Variants in PRDM11 observed in about 807,000 individuals in gnomAD.
PRDM11 encodes PR/SET domain 11.
Under a neutral mutation model 97.8 loss-of-function variants are expected in PRDM11, and 20 were observed. That is an observed-to-expected ratio of 0.20 (90% confidence interval 0.14 to 0.30). The LOEUF is 0.30. PRDM11 is among the 10% of genes least tolerant of loss of function. PRDM11 has a pLI of 1.00. For missense variants in PRDM11, 1,139 were observed against 1,555.2 expected (o/e 0.73, Z 4.50); for synonymous variants, 599 against 637.7 (o/e 0.94, Z 0.91).
At chr11:45,152,592 C>A (rs541373940) in intron 1 of PRDM11, among the ~76,000 whole-genome samples, 1 of 152,314 alleles carries the variant, frequency 6.6e-6, no homozygotes, top group South Asian at 2.1e-4. Context: ...GTAACTAGAG[C>A]CTCAAATACT....
intron 1 of PRDM11, among the ~76,000 whole-genome samples, chr11:45,167,068 G>T (rs1458236744): frequency 6.6e-6 from 1 of 152,274 alleles, no homozygotes; most frequent in African/African-American, 2.4e-5. Flanking sequence ...ATCAAATGTA[G>T]GAAGGGGGTA....
intron 1 of PRDM11, among the ~76,000 whole-genome samples, chr11:45,132,392 C>T (rs922722688): frequency 6.6e-6 from 1 of 152,166 alleles, no homozygotes; most frequent in South Asian, 2.1e-4. Flanking sequence ...ATAACCCTCA[C>T]CTCTGGGTAG....
At chr11:45,103,516 C>T (rs113112342) in intron 1 of PRDM11, among the ~76,000 whole-genome samples, 57 of 152,078 alleles carry the variant, frequency 3.7e-4, no homozygotes, top group African/African-American at 1.2e-3. Context: ...CTCCCTGAGC[C>T]TCAGTTTCCC....
intron 1 of PRDM11, among the ~76,000 whole-genome samples, chr11:45,154,640 G>T (rs1246668976): frequency 6.6e-6 from 1 of 152,008 alleles, no homozygotes; most frequent in Non-Finnish European, 1.5e-5. Flanking sequence ...AGCCTTCAGT[G>T]CCTTCTAGAG....
intron 1 of PRDM11, among the ~76,000 whole-genome samples, chr11:45,165,901 C>T (rs1852052477): frequency 6.6e-6 from 1 of 152,154 alleles, no homozygotes; most frequent in African/African-American, 2.4e-5. Flanking sequence ...AGCCTGTCTC[C>T]CCGCCATGCT....
chr11:45,220,173 C>G (rs961928091), intron 6 of PRDM11, among the ~76,000 whole-genome samples: 7 of 152,198 alleles, frequency 4.6e-5, no homozygotes, highest in Non-Finnish European at 1.0e-4. Context: ...AGTCCAAGGA[C>G]CCCACTCTAC....
upstream of PRDM11, among the ~76,000 whole-genome samples, chr11:45,144,419 G>A (rs1026677441): frequency 6.6e-6 from 1 of 152,174 alleles, no homozygotes; most frequent in African/African-American, 2.4e-5. Flanking sequence ...ATGCAGCTGA[G>A]GACCTACGGC....
intron 1 of PRDM11, among the ~76,000 whole-genome samples, chr11:45,112,631 C>T (rs754652721): frequency 6.6e-6 from 1 of 152,258 alleles, no homozygotes; most frequent in East Asian, 1.9e-4. Context: ...GATGGCCGTT[C>T]TTGGAAGAGT....
At chr11:45,205,279 G>A (rs943503900) in intron 5 of PRDM11, among the ~76,000 whole-genome samples, 7 of 152,116 alleles carry the variant, frequency 4.6e-5, no homozygotes, top group East Asian at 1.9e-4. Context: ...ACCCTGTTCC[G>A]GTGTTTGGGA....
upstream of PRDM11, among the ~76,000 whole-genome samples, chr11:45,095,043 C>T (rs995605057): frequency 1.3e-5 from 2 of 152,130 alleles, no homozygotes; most frequent in South Asian, 2.1e-4. Context: ...GGAACTGGGC[C>T]GGCTGGCCTT....
intron 1 of PRDM11, among the ~76,000 whole-genome samples, chr11:45,140,617 C>G (rs1851380312): frequency 6.6e-6 from 1 of 152,118 alleles, no homozygotes. Flanking sequence ...TTGGGTGGCT[C>G]CATTGTTTCG....
chr11:45,183,751 T>TA (rs1463743705), intron 4 of PRDM11, among the ~76,000 whole-genome samples: 1 of 152,182 alleles, frequency 6.6e-6, no homozygotes, highest in Non-Finnish European at 1.5e-5. Flanking sequence ...CTTGAGCTAC[T>TA]AGACAGAGAT....
intron 1 of PRDM11, among the ~76,000 whole-genome samples, chr11:45,175,098 G>T (rs992736848): frequency 6.6e-6 from 1 of 152,194 alleles, no homozygotes; most frequent in Admixed American, 6.5e-5. Context: ...CCACACCAAA[G>T]TGGAACATTT....
intron 1 of PRDM11, among the ~76,000 whole-genome samples, chr11:45,115,860 G>A (rs1852290687): frequency 1.3e-5 from 2 of 151,180 alleles, no homozygotes. Context: ...AACCTGGGTG[G>A]TGGAGTTTAC....
intron 1 of PRDM11, among the ~76,000 whole-genome samples, chr11:45,127,353 G>A (rs182265726): frequency 7.2e-5 from 11 of 152,178 alleles, no homozygotes; most frequent in African/African-American, 1.2e-4. Context: ...GTCATTCTCC[G>A]TCCAGCTTTG....
At chr11:45,168,372 C>T (rs749013970) in intron 1 of PRDM11, among the ~76,000 whole-genome samples, 43 of 152,176 alleles carry the variant, frequency 2.8e-4, no homozygotes, top group Admixed American at 9.2e-4. Flanking sequence ...GGTGTTTCCT[C>T]AGGTCCTACA....
intron 4 of PRDM11, among the ~76,000 whole-genome samples, chr11:45,190,693 G>C (rs1852882434): frequency 6.6e-6 from 1 of 151,980 alleles, no homozygotes; most frequent in South Asian, 2.1e-4. Context: ...GATGATACAT[G>C]AATGAATGAG....
chr11:45,151,128 C>G lies in PRDM11; in HGVS notation c.-7+4251C>G, dbSNP rs369845133. Among the ~76,000 whole-genome samples, 11 of 152,248 alleles carry G rather than the reference C, an allele frequency of 7.2e-5. No individual in the cohort carries two copies. The East Asian group carries it at 1.5e-3, about 21-fold the overall frequency. On this transcript the variant is annotated intron_variant, in intron 1 of 7. Transcript: ENST00000683152. ...CAGTGGGGTAACACCTACCTAACAT[C>G]GGGGTTTGAGCATGGGGTTCTTGGC...
intron 4 of PRDM11, among the ~76,000 whole-genome samples, chr11:45,202,205 C>T (rs1590438930): frequency 6.6e-6 from 1 of 152,208 alleles, no homozygotes; most frequent in Non-Finnish European, 1.5e-5. Context: ...GCCCTCCCTG[C>T]GTTAGGAACC....
Sources: allele counts gnomAD v4.1 joint callset (sites outside exome capture counted in the v4.1 genomes callset), GRCh38; gene constraint gnomAD v4.1.1; transcripts MANE v1.5; gene names NCBI Gene and HGNC (gene_info 2026-07-23, HGNC 2026-07-21).